The following NLK variants were observed in gnomAD, a reference collection of about 807,000 sequenced individuals.
The protein encoded by NLK is nemo like kinase, also known as serine/threonine-protein kinase NLK.
A neutral mutation model predicts 59.0 loss-of-function variants in NLK; 11 were observed. The ratio of observed to expected loss-of-function variants is 0.19; its 90% CI spans 0.12 to 0.31. NLK has a LOEUF of 0.31. Ranked by LOEUF, NLK falls within the 10% of genes least tolerant of loss-of-function variation. The pLI, the probability that NLK is intolerant of heterozygous loss-of-function variation, is 1.00. For synonymous variants in NLK, 235 were observed against 235.9 expected (o/e 1.00, Z 0.03); for missense variants, 410 against 661.1 (o/e 0.62, Z 4.16).
chr17:28,159,412 C>A (rs1237956004), intron 3 of NLK, among the ~76,000 whole-genome samples: 2 of 152,042 alleles, frequency 1.3e-5, no homozygotes, highest in Non-Finnish European at 2.9e-5. Flanking sequence ...GCAAAATATT[C>A]AGTGTAGATT....
chr17:28,131,804 C>T (rs1373109746), intron 2 of NLK, among the ~76,000 whole-genome samples: 1 of 152,016 alleles, frequency 6.6e-6, no homozygotes, highest in East Asian at 1.9e-4. Context: ...GGACTTGCGT[C>T]GTAAAGTCTT....
At chr17:28,189,490 T>C (rs1909237654) in intron 8 of NLK, among the ~76,000 whole-genome samples, 1 of 152,230 alleles carries the variant, frequency 6.6e-6, no homozygotes, top group African/African-American at 2.4e-5. Flanking sequence ...TGAAGCATCT[T>C]ACAGACAAGT....
At chr17:28,185,049 C>T (rs1307526474) in intron 7 of NLK, 130 bp from the exon 8 acceptor site, 1 of 408,878 alleles carries the variant, frequency 2.4e-6, no homozygotes, top group Non-Finnish European at 4.3e-6. Flanking sequence ...GAAGGGAAAA[C>T]TCATTCTCCT....
At chr17:28,128,333 A>C (rs959133401) in intron 2 of NLK, among the ~76,000 whole-genome samples, 4 of 152,184 alleles carry the variant, frequency 2.6e-5, no homozygotes, top group Non-Finnish European at 2.9e-5. Context: ...CAGACCTCAA[A>C]CATATATCCA....
intron 3 of NLK, among the ~76,000 whole-genome samples, chr17:28,142,335 A>G (rs994671820): frequency 6.6e-6 from 1 of 152,196 alleles, no homozygotes. Context: ...TTTGCCTGGG[A>G]AAGAGATTGT....
chr17:28,159,196 C>T (rs904616199), intron 3 of NLK, among the ~76,000 whole-genome samples: 9 of 152,082 alleles, frequency 5.9e-5, no homozygotes, highest in Non-Finnish European at 1.2e-4. Flanking sequence ...TAGAAGAGGT[C>T]AGAGAAGGAA....
At chr17:28,050,304 A>G (rs995222290) in intron 1 of NLK, among the ~76,000 whole-genome samples, 2 of 152,182 alleles carry the variant, frequency 1.3e-5, no homozygotes, top group Non-Finnish European at 2.9e-5. Flanking sequence ...GCAGGAGACT[A>G]CAGGGCTGGA....
At chr17:28,156,141 GCAAAAATATATA>G (rs752623065) in intron 3 of NLK, among the ~76,000 whole-genome samples, 1 of 151,646 alleles carries the variant, frequency 6.6e-6, no homozygotes, top group Admixed American at 6.6e-5. Flanking sequence ...TACAAAATAT[GCAAAAATATATA>G]CAAAAATATA....
intron 1 of NLK, among the ~76,000 whole-genome samples, chr17:28,088,360 A>G (rs1362579058): frequency 6.6e-6 from 1 of 152,218 alleles, no homozygotes; most frequent in Non-Finnish European, 1.5e-5. Context: ...AATGGTAATA[A>G]TCTAATTCTA....
intron 3 of NLK, among the ~76,000 whole-genome samples, chr17:28,150,202 T>C (rs932163836): frequency 2.0e-5 from 3 of 152,214 alleles, no homozygotes; most frequent in Non-Finnish European, 4.4e-5. Flanking sequence ...TGAGATCATA[T>C]ATGAAGTGGC....
At chr17:28,084,633 G>A (rs1381983682) in intron 1 of NLK, among the ~76,000 whole-genome samples, 1 of 151,660 alleles carries the variant, frequency 6.6e-6, no homozygotes, top group African/African-American at 2.4e-5. Context: ...GCGCAATCTC[G>A]GCTCACTGCA....
At chr17:28,178,998 C>T (rs928915455) in intron 7 of NLK, among the ~76,000 whole-genome samples, 4 of 152,220 alleles carry the variant, frequency 2.6e-5, no homozygotes, top group African/African-American at 4.8e-5. Context: ...TAGGGCCACT[C>T]ACCCAAGTCC....
chr17:28,183,987 T>C (rs1909016680), intron 7 of NLK, among the ~76,000 whole-genome samples: 1 of 152,210 alleles, frequency 6.6e-6, no homozygotes, highest in Non-Finnish European at 1.5e-5. Context: ...AATGATGCCA[T>C]TTACCTGCTC....
intron 2 of NLK, among the ~76,000 whole-genome samples, chr17:28,129,617 G>C (rs1906436443): frequency 6.6e-6 from 1 of 152,056 alleles, no homozygotes; most frequent in African/African-American, 2.4e-5. Flanking sequence ...CTACCGTAAA[G>C]AACTTAGAAT....
chr17:28,095,133 G>A (rs1042560783), intron 1 of NLK, among the ~76,000 whole-genome samples: 2 of 152,174 alleles, frequency 1.3e-5, no homozygotes, highest in Non-Finnish European at 2.9e-5. Context: ...TACTGTGAGT[G>A]CTAGAAAAGG....
At chr17:28,146,595 G>A (rs986683572) in intron 3 of NLK, among the ~76,000 whole-genome samples, 2 of 152,174 alleles carry the variant, frequency 1.3e-5, no homozygotes, top group African/African-American at 4.8e-5. Flanking sequence ...AAGTGGCAGA[G>A]TCAAGATTCT....
In NLK at chr17:28,185,283, T is replaced by A. The variant is rs370402539; in HGVS notation, c.1236+18T>A. ...TTGATCCAGTAAGTAGTGTTTTTTT[T>A]TATATATTTTTAATGAATTACAAAT... On this transcript the variant is annotated intron_variant, in intron 8 of 10. Transcript: ENST00000407008. 319 of 1,429,444 alleles carry A rather than the reference T, an allele frequency of 2.2e-4. No homozygotes were observed. Among genetic ancestry groups the A allele is most frequent in the Non-Finnish European group, 2.7e-4 (283 of 1,048,200 alleles). The allele number at this position is 1,429,444 out of a possible 1,614,324, so 88.5% of individuals were successfully genotyped here. A position where few individuals can be genotyped will look rare whatever the true frequency, so the allele number is the denominator to read the frequency against.
In NLK at chr17:28,188,250, A is replaced by G. The variant is rs77167345; in HGVS notation, c.1237-2771A>G. 5.2e-3 allele frequency among the ~76,000 whole-genome samples: 798 copies of G among 152,330 alleles called. 13 individuals carry two copies. The highest frequency in any genetic ancestry group is 0.018 in the African/African-American group (733 of 41,574). On this transcript the variant is annotated intron_variant, in intron 8 of 10. Coordinates refer to ENST00000407008, the MANE Select transcript of NLK (RefSeq NM_016231.5). Reference sequence around the variant, plus strand: ...AATTAATTTATTTAATGCACACTACATAATAATTAACCATTTTTATCACTG... The same window carrying G: ...AATTAATTTATTTAATGCACACTACGTAATAATTAACCATTTTTATCACTG...
intron 1 of NLK, among the ~76,000 whole-genome samples, chr17:28,121,387 G>C (rs1906041911): frequency 1.0e-5 from 1 of 97,238 alleles, no homozygotes; most frequent in South Asian, 3.2e-4. Flanking sequence ...TAGGTAGAAG[G>C]GGGGAAAAAA....
Sources: gnomAD v4.1 joint callset for allele counts (sites outside exome capture counted in the v4.1 genomes callset) on GRCh38, gnomAD v4.1.1 for gene constraint, MANE v1.5 for transcripts, NCBI Gene and HGNC (gene_info 2026-07-23, HGNC 2026-07-21) for gene names.